Variants in EXOC6B observed in about 807,000 individuals in gnomAD.
The protein encoded by EXOC6B is exocyst complex component 6B.
In EXOC6B, 54 loss-of-function variants were observed where a neutral mutation model predicts 113.5. The observed-to-expected ratio is 0.48, with a 90% CI of 0.38 to 0.60. The LOEUF is 0.60. EXOC6B is among the 20% of genes least tolerant of loss of function. The probability of loss-of-function intolerance (pLI) is 0.00; values close to 1 mark genes in which losing one functional copy is unlikely to be tolerated. For synonymous variants in EXOC6B, 357 were observed against 339.0 expected, an observed-to-expected ratio of 1.05 and a Z score of -0.58; for missense variants, 797 against 977.5, an observed-to-expected ratio of 0.82 and a Z score of 2.46.
chr2:72,811,570 G>A (rs1685925936), intron 1 of EXOC6B, among the ~76,000 whole-genome samples: 2 of 152,108 alleles, frequency 1.3e-5, no homozygotes, highest in Admixed American at 6.6e-5. Flanking sequence ...TTCATTTTAA[G>A]AAGTTACTAT....
intron 8 of EXOC6B, among the ~76,000 whole-genome samples, chr2:72,525,206 T>C (rs1209779092): frequency 1.3e-5 from 2 of 152,244 alleles, no homozygotes; most frequent in Non-Finnish European, 2.9e-5. Context: ...TGATTAACAA[T>C]CTTGGCCTTT....
At chr2:72,222,908 T>A (rs367845194) in intron 20 of EXOC6B, among the ~76,000 whole-genome samples, 1 of 152,216 alleles carries the variant, frequency 6.6e-6, no homozygotes, top group Non-Finnish European at 1.5e-5. Flanking sequence ...GCTAAGGCAC[T>A]GAGGAGGTAC....
intron 6 of EXOC6B, among the ~76,000 whole-genome samples, chr2:72,694,015 T>C (rs1677689346): frequency 6.6e-6 from 1 of 152,220 alleles, no homozygotes; most frequent in South Asian, 2.1e-4. Context: ...GTTGTCTACA[T>C]TGCTTTTGAG....
At chr2:72,361,854 G>A (rs1272639146) in intron 19 of EXOC6B, among the ~76,000 whole-genome samples, 7 of 152,068 alleles carry the variant, frequency 4.6e-5, no homozygotes, top group South Asian at 2.1e-4. Context: ...GGAACTATTC[G>A]GATACTGACT....
At chr2:72,718,346 T>C in intron 5 of EXOC6B, 39 bp from the exon 6 acceptor site, 1 of 1,578,506 alleles carries the variant, frequency 6.3e-7, no homozygotes, top group Non-Finnish European at 8.7e-7. Context: ...CACTCAGTTT[T>C]CTTTAGGGTT....
chr2:72,453,580 A>G (rs590345), intron 18 of EXOC6B, among the ~76,000 whole-genome samples: 53,949 of 152,058 alleles, frequency 0.35, 13,797 homozygotes, highest in African/African-American at 0.72. Flanking sequence ...TGCTTTGCAA[A>G]GTTATTATTT....
At chr2:72,677,304 G>C (rs2104527502) in intron 6 of EXOC6B, among the ~76,000 whole-genome samples, 1 of 152,180 alleles carries the variant, frequency 6.6e-6, no homozygotes, top group Middle Eastern at 3.4e-3. Context: ...GCCAAGGCAG[G>C]CAGATCCCTT....
At chr2:72,531,801 T>C (rs1702017324) in intron 8 of EXOC6B, among the ~76,000 whole-genome samples, 1 of 152,038 alleles carries the variant, frequency 6.6e-6, no homozygotes, top group Admixed American at 6.6e-5. Context: ...CTGGCCAACA[T>C]GGTGAAACCC....
Position 72,631,455 on chromosome 2 carries a change from TATATATAGAGAGAGAGAGAGAGAGAG to T in EXOC6B, c.670-55813_670-55788del, listed in dbSNP as rs1672442939. Among the ~76,000 whole-genome samples, 95 of 18,348 alleles carry T rather than the reference TATATATAGAGAGAGAGAGAGAGAGAG, an allele frequency of 5.2e-3. 2 individuals are homozygous for T. Among genetic ancestry groups the T allele is most frequent in the African/African-American group, 0.013 (84 of 6,364 alleles). The allele number at this position is 18,348 out of a possible 152,430, so 12.0% of individuals were successfully genotyped here. ...ATATATATATATATATATATATATA[TATATATAGAGAGAGAGAGAGAGAGAG>T]AGAGAGAGAGAGAGAGAGAGAGAGA... is the stretch of plus-strand genomic sequence containing the variant. On this transcript the variant is annotated intron_variant, in intron 6 of 21. Coordinates refer to ENST00000272427, the MANE Select transcript of EXOC6B (RefSeq NM_015189.3).
intron 20 of EXOC6B, among the ~76,000 whole-genome samples, chr2:72,307,648 A>G (rs1045216134): frequency 6.6e-6 from 1 of 152,132 alleles, no homozygotes; most frequent in Admixed American, 6.5e-5. Flanking sequence ...TACTTATTCA[A>G]TGTCTACTGT....
At chr2:72,807,677 G>T (rs1559018790) in intron 1 of EXOC6B, among the ~76,000 whole-genome samples, 1 of 152,118 alleles carries the variant, frequency 6.6e-6, no homozygotes, top group East Asian at 1.9e-4. Context: ...AAAAGAAAGA[G>T]ATCCTGTCAT....
At chr2:72,419,583 G>T (rs1315128615) in intron 18 of EXOC6B, among the ~76,000 whole-genome samples, 1 of 152,088 alleles carries the variant, frequency 6.6e-6, no homozygotes, top group South Asian at 2.1e-4. Flanking sequence ...TAGAATTCTT[G>T]GTTCACAGTT....
intron 6 of EXOC6B, among the ~76,000 whole-genome samples, chr2:72,671,799 GAAAGAA>G (rs1553464104): frequency 8.5e-6 from 1 of 117,612 alleles, no homozygotes; most frequent in African/African-American, 3.2e-5. Flanking sequence ...AAGAAAGAAA[GAAAGAA>G]AGAAAGAAAG....
chr2:72,635,294 T>C (rs1394697603), intron 6 of EXOC6B, among the ~76,000 whole-genome samples: 1 of 151,984 alleles, frequency 6.6e-6, no homozygotes, highest in Non-Finnish European at 1.5e-5. Context: ...TTGAAAATAT[T>C]AGTAAAATTG....
At chr2:72,681,906 A>G (rs558577271) in intron 6 of EXOC6B, among the ~76,000 whole-genome samples, 1 of 152,196 alleles carries the variant, frequency 6.6e-6, no homozygotes, top group South Asian at 2.1e-4. Flanking sequence ...ATTTAAAATG[A>G]CAACTCTTCC....
At chr2:72,560,154 A>G (rs1411900069) in intron 7 of EXOC6B, among the ~76,000 whole-genome samples, 1 of 152,174 alleles carries the variant, frequency 6.6e-6, no homozygotes, top group Non-Finnish European at 1.5e-5. Context: ...CTAGACATCA[A>G]AAGAGAAAGT....
chr2:72,410,916 T>C (rs921545129), intron 18 of EXOC6B, among the ~76,000 whole-genome samples: 6 of 152,116 alleles, frequency 3.9e-5, no homozygotes, highest in Admixed American at 6.6e-5. Context: ...AGATAAAACA[T>C]AGAAATTACA....
intron 1 of EXOC6B, among the ~76,000 whole-genome samples, chr2:72,823,861 A>G (rs1395311971): frequency 6.6e-6 from 1 of 152,214 alleles, no homozygotes; most frequent in Non-Finnish European, 1.5e-5. Flanking sequence ...TAAACAATAC[A>G]GTATAACATA....
At chr2:72,482,892 T>C (rs751926908) in intron 16 of EXOC6B, among the ~76,000 whole-genome samples, 43 of 152,202 alleles carry the variant, frequency 2.8e-4, no homozygotes, top group Non-Finnish European at 5.3e-4. Context: ...AACACAGCGA[T>C]ACAATTCGAA....
Sources: gnomAD v4.1 joint callset for allele counts (sites outside exome capture counted in the v4.1 genomes callset) on GRCh38, gnomAD v4.1.1 for gene constraint, MANE v1.5 for transcripts, NCBI Gene and HGNC (gene_info 2026-07-23, HGNC 2026-07-21) for gene names.